Variants in PDE1A observed in about 807,000 individuals in gnomAD.
PDE1A encodes phosphodiesterase 1A, also known as dual specificity calcium/calmodulin-dependent 3',5'-cyclic nucleotide phosphodiesterase 1A.
In PDE1A, 35 loss-of-function variants were observed where a neutral mutation model predicts 61.7. That is an observed-to-expected ratio of 0.57 (90% CI 0.43 to 0.75). PDE1A has a LOEUF of 0.75. Among genes scored for constraint, PDE1A ranks in the 30% least tolerant of loss-of-function variants. PDE1A has a pLI of 0.00. For synonymous variants in PDE1A, 232 were observed against 213.2 expected, an observed-to-expected ratio of 1.09 and a Z score of -0.77; for missense variants, 597 against 630.6, an observed-to-expected ratio of 0.95 and a Z score of 0.57.
At chr2:182,488,265 A>G (rs984649551) in intron 2 of PDE1A, among the ~76,000 whole-genome samples, 25 of 152,206 alleles carry the variant, frequency 1.6e-4, no homozygotes, top group Non-Finnish European at 2.9e-4. Flanking sequence ...GTTCAATTAA[A>G]ATGACTATAG....
intron 1 of PDE1A, among the ~76,000 whole-genome samples, chr2:182,381,168 G>A (rs940494186): frequency 2.0e-5 from 3 of 151,686 alleles, no homozygotes; most frequent in African/African-American, 7.3e-5. Flanking sequence ...CTTCATGAAT[G>A]TGTACTTTTT....
At chr2:182,381,832 A>T (rs999844963) in intron 1 of PDE1A, among the ~76,000 whole-genome samples, 8 of 150,786 alleles carry the variant, frequency 5.3e-5, no homozygotes, top group Admixed American at 1.3e-4. Flanking sequence ...TAATAATAAT[A>T]ATAATTATAT....
At chr2:182,519,376 T>G (rs1690417520) in intron 2 of PDE1A, among the ~76,000 whole-genome samples, 1 of 152,012 alleles carries the variant, frequency 6.6e-6, no homozygotes, top group African/African-American at 2.4e-5. Context: ...GTGTAGAATC[T>G]AAATTGTTGT....
intron 4 of PDE1A, among the ~76,000 whole-genome samples, chr2:182,233,768 A>T (rs1216772371): frequency 2.7e-5 from 3 of 111,598 alleles, no homozygotes; most frequent in Non-Finnish European, 5.3e-5. Context: ...AACAAGGCAC[A>T]TGAACACCAC....
chr2:182,326,551 T>G (rs1482280435), intron 1 of PDE1A, among the ~76,000 whole-genome samples: 1 of 152,084 alleles, frequency 6.6e-6, no homozygotes, highest in East Asian at 1.9e-4. Context: ...AATAGAACAG[T>G]TGTTCTCAGA....
chr2:182,527,393 C>T (rs866957034), upstream of PDE1A, among the ~76,000 whole-genome samples: 3 of 87,700 alleles, frequency 3.4e-5, no homozygotes, highest in Admixed American at 1.4e-4. Context: ...TATATACACA[C>T]ATATATATAC....
intron 7 of PDE1A, among the ~76,000 whole-genome samples, chr2:182,208,465 C>T (rs765652325): frequency 9.2e-5 from 14 of 152,306 alleles, no homozygotes; most frequent in Middle Eastern, 3.4e-3. Flanking sequence ...CCAGTTACCT[C>T]CCAACAGGTC....
rs765481442 is a variant in PDE1A at position 182,234,508 on chromosome 2, A to G, written c.351-10T>C. On this transcript the variant is annotated splice_polypyrimidine_tract_variant and intron_variant, in intron 3 of 13. Transcript: ENST00000351439. ...TGTTTTTCGGTACATTCTAAAAAAG[A>G]CAAAAATAAGTGTAAATATAAAATT... 1 of 1,549,432 alleles carries G rather than the reference A, an allele frequency of 6.5e-7. No individual in the cohort carries two copies. Among genetic ancestry groups the G allele is most frequent in the South Asian group, 1.2e-5 (1 of 86,796 alleles).
At chr2:182,615,775 T>C in the PDE1A span, among the ~76,000 whole-genome samples, 1 of 152,068 alleles carries the variant, frequency 6.6e-6, no homozygotes, top group East Asian at 1.9e-4. Context: ...TGTGCACACA[T>C]GAGAAGGGAA....
chr2:182,472,556 G>T (rs567144845), intron 2 of PDE1A, among the ~76,000 whole-genome samples: 41 of 151,944 alleles, frequency 2.7e-4, no homozygotes, highest in Non-Finnish European at 4.1e-4. Context: ...AGACTTGAAA[G>T]GGTATGAGGG....
chr2:182,425,544 C>G (rs1703564769), intron 1 of PDE1A, among the ~76,000 whole-genome samples: 1 of 152,064 alleles, frequency 6.6e-6, no homozygotes, highest in Non-Finnish European at 1.5e-5. Context: ...TTGTTTTAAG[C>G]ATTACAAAGG....
chr2:182,547,271 C>T, the PDE1A span, among the ~76,000 whole-genome samples: 1 of 152,184 alleles, frequency 6.6e-6, no homozygotes, highest in African/African-American at 2.4e-5. Flanking sequence ...CCTACCCTTT[C>T]TGATCTAGCA....
the PDE1A span, among the ~76,000 whole-genome samples, chr2:182,638,875 A>G: frequency 1.0e-3 from 157 of 152,316 alleles, no homozygotes; most frequent in Non-Finnish European, 1.9e-3. Flanking sequence ...GAGACTGAAT[A>G]AACAGAAGCC....
At chr2:182,248,072 A>G (rs1338144049) in intron 2 of PDE1A, among the ~76,000 whole-genome samples, 1 of 152,108 alleles carries the variant, frequency 6.6e-6, no homozygotes, top group Admixed American at 6.6e-5. Flanking sequence ...CCTGGCCAAC[A>G]TGGTGAAACC....
intron 2 of PDE1A, among the ~76,000 whole-genome samples, chr2:182,242,883 C>CCTCTCTCTCTCCCTCTCTCTCTCT (rs1553550661): frequency 1.5e-5 from 2 of 130,168 alleles, no homozygotes; most frequent in African/African-American, 2.9e-5. Context: ...TCCTCTCCTC[C>CCTCTCTCTCTCCCTCTCTCTCTCT]CTCTCTCTCT....
chr2:182,281,037 T>C (rs1389941413), intron 1 of PDE1A, among the ~76,000 whole-genome samples: 1 of 151,878 alleles, frequency 6.6e-6, no homozygotes, highest in Non-Finnish European at 1.5e-5. Context: ...ATCTCTTTGT[T>C]TTTTCTGGGG....
intron 1 of PDE1A, among the ~76,000 whole-genome samples, chr2:182,396,219 C>A (rs1160376993): frequency 1.3e-5 from 2 of 152,200 alleles, no homozygotes; most frequent in Non-Finnish European, 2.9e-5. Context: ...AGGCACCACC[C>A]AAAAGAGGAC....
At chr2:182,647,709 C>G in the PDE1A span, among the ~76,000 whole-genome samples, 1 of 152,252 alleles carries the variant, frequency 6.6e-6, no homozygotes, top group Non-Finnish European at 1.5e-5. Flanking sequence ...TACGATGCTA[C>G]AGTAAAGACT....
chr2:182,478,289 T>C (rs1687495611), intron 2 of PDE1A, among the ~76,000 whole-genome samples: 1 of 151,832 alleles, frequency 6.6e-6, no homozygotes, highest in African/African-American at 2.4e-5. Flanking sequence ...ACATTTATGA[T>C]AAAACATCCA....
Sources: allele counts gnomAD v4.1 joint callset (sites outside exome capture counted in the v4.1 genomes callset), GRCh38; gene constraint gnomAD v4.1.1; transcripts MANE v1.5; gene names NCBI Gene and HGNC (gene_info 2026-07-23, HGNC 2026-07-21).